NELL2: variants seen among roughly 807,000 people sequenced by gnomAD.
NELL2 encodes neural EGFL like 2, also known as protein kinase C-binding protein NELL2.
In NELL2, 41 loss-of-function variants were observed where a neutral mutation model predicts 109.6. The observed-to-expected ratio is 0.37, with a 90% confidence interval of 0.29 to 0.49. NELL2 has a LOEUF of 0.49. Among genes scored for constraint, NELL2 ranks in the 20% least tolerant of loss-of-function variants. The pLI, the probability that NELL2 is intolerant of heterozygous loss-of-function variation, is 0.98. For synonymous variants in NELL2, 355 were observed against 344.7 expected, an observed-to-expected ratio of 1.03 and a Z score of -0.33; for missense variants, 900 against 1,008.3, an observed-to-expected ratio of 0.89 and a Z score of 1.45.
chr12:44,843,213 T>TA lies in NELL2; in HGVS notation c.185-27078dup, dbSNP rs559615746. Among the ~76,000 whole-genome samples, 1,113 of 146,878 alleles carry TA rather than the reference T, an allele frequency of 7.6e-3. 8 individuals carry two copies. The highest frequency in any genetic ancestry group is 0.024 in the Middle Eastern group (7 of 288). ...AACAACCCTCCTAAAGCTCAACAAT[T>TA]AAAAAAAAAACTAATTAGAAAGTAG... On this transcript the variant is annotated intron_variant, in intron 2 of 19. Transcript: ENST00000429094.
At chr12:44,569,569 A>G (rs1161103152) in intron 15 of NELL2, among the ~76,000 whole-genome samples, 2 of 152,190 alleles carry the variant, frequency 1.3e-5, no homozygotes, top group African/African-American at 4.8e-5. Flanking sequence ...AAATAGTTTT[A>G]GTTTATAAAT....
intron 3 of NELL2, among the ~76,000 whole-genome samples, chr12:44,807,114 A>G (rs1416034000): frequency 6.6e-6 from 1 of 151,646 alleles, no homozygotes; most frequent in East Asian, 1.9e-4. Flanking sequence ...GAAGATATTA[A>G]GTGAAATAAC....
rs146554598 is a variant in NELL2, at chr12:44,740,155, G to C, written c.995-25414C>G. On this transcript the variant is annotated intron_variant, in intron 9 of 19. Coordinates refer to ENST00000429094, the MANE Select transcript of NELL2 (RefSeq NM_001145108.2). ...CTTTGGTAATGACTGTCTGAGTTATGGGCGTGTGACCCAATTCTGGCCAAT... is the reference window on the plus strand; with the variant it reads ...CTTTGGTAATGACTGTCTGAGTTATCGGCGTGTGACCCAATTCTGGCCAAT... Among the ~76,000 whole-genome samples, 599 of 152,212 alleles carry C rather than the reference G, an allele frequency of 3.9e-3. 1 individual carries two copies. Among genetic ancestry groups the C allele is most frequent in the African/African-American group, 0.014 (572 of 41,534 alleles).
intron 15 of NELL2, among the ~76,000 whole-genome samples, chr12:44,578,307 C>T (rs999637396): frequency 1.3e-5 from 2 of 151,524 alleles, no homozygotes; most frequent in African/African-American, 4.8e-5. Flanking sequence ...ACAAACAAAA[C>T]ATATACTTAA....
intron 13 of NELL2, among the ~76,000 whole-genome samples, chr12:44,660,484 T>C (rs1947701899): frequency 6.6e-6 from 1 of 152,190 alleles, no homozygotes; most frequent in Non-Finnish European, 1.5e-5. Context: ...GTTGCATCCC[T>C]GGCCTCTACC....
At chr12:44,714,838 C>T in intron 9 of NELL2, 97 bp from the exon 10 acceptor site, 2 of 645,896 alleles carry the variant, frequency 3.1e-6, no homozygotes, top group Non-Finnish European at 5.0e-6. Context: ...TGTTATACAC[C>T]TTTTTTCAAC....
intron 12 of NELL2, among the ~76,000 whole-genome samples, chr12:44,701,739 A>C (rs1415641714): frequency 2.6e-5 from 4 of 152,044 alleles, no homozygotes; most frequent in Non-Finnish European, 4.4e-5. Context: ...CAACATCTTT[A>C]CCTGGACTAC....
At chr12:44,891,463 C>G (rs987540175) in intron 1 of NELL2, among the ~76,000 whole-genome samples, 1 of 152,212 alleles carries the variant, frequency 6.6e-6, no homozygotes, top group Non-Finnish European at 1.5e-5. Context: ...CAGAAACTAC[C>G]ACTGCTGGAG....
chr12:44,876,094 C>T lies in NELL2; in HGVS notation c.-225G>A. 1 of 1,355,978 alleles carries T rather than the reference C, an allele frequency of 7.4e-7. No individual in the cohort carries two copies. Among genetic ancestry groups the T allele is most frequent in the Admixed American group, 3.0e-5 (1 of 32,906 alleles). The allele number at this position is 1,355,978 out of a possible 1,614,324, so 84.0% of individuals were successfully genotyped here. A position where few individuals can be genotyped will look rare whatever the true frequency, so the allele number is the denominator to read the frequency against. ...CCAATGCGCACATCATTCCCACACG[C>T]AGGGCCGAGGCGGCAGCGCGGCCCG... is the stretch of plus-strand genomic sequence containing the variant. On this transcript the variant is annotated 5_prime_UTR_variant, in exon 1 of 20. Transcript: ENST00000429094.
chr12:44,913,829 A>G (rs1467133813), exon 1 of NELL2: 1 of 808,730 alleles, frequency 1.2e-6, no homozygotes, highest in Non-Finnish European at 1.9e-6. Flanking sequence ...AAGTCTTCTT[A>G]TAGACATTTT....
chr12:44,684,032 T>C (rs990834897), intron 12 of NELL2, among the ~76,000 whole-genome samples: 2 of 152,242 alleles, frequency 1.3e-5, no homozygotes, highest in Non-Finnish European at 2.9e-5. Context: ...AGAATTCAGC[T>C]GTGAATCCAT....
intron 13 of NELL2, among the ~76,000 whole-genome samples, chr12:44,615,001 T>C (rs890705901): frequency 6.6e-6 from 1 of 152,078 alleles, no homozygotes; most frequent in African/African-American, 2.4e-5. Flanking sequence ...TTTGGAATAT[T>C]TGGGGGTTAA....
chr12:44,780,970 T>C lies in NELL2; in HGVS notation c.336-948A>G, dbSNP rs1941936784. 3.9e-5 allele frequency among the ~76,000 whole-genome samples: 6 copies of C among 152,104 alleles called. No individual in the cohort carries two copies. In the South Asian group the frequency reaches 8.3e-4, roughly 21 times the overall value. On this transcript the variant is annotated intron_variant, in intron 3 of 19. Transcript: ENST00000429094. ...TAAATAAGATTCAAGTCTCAGAACATGATACAAACATGTCCAGGTTTCAGT... is the reference window on the plus strand; with the variant it reads ...TAAATAAGATTCAAGTCTCAGAACACGATACAAACATGTCCAGGTTTCAGT...
At chr12:44,859,444 G>C (rs1428341955) in intron 2 of NELL2, among the ~76,000 whole-genome samples, 2 of 152,210 alleles carry the variant, frequency 1.3e-5, no homozygotes, top group Non-Finnish European at 2.9e-5. Flanking sequence ...AGAAGGCTGA[G>C]GTGGGAGAAT....
At chr12:44,715,398 A>C (rs1006155310) in intron 9 of NELL2, among the ~76,000 whole-genome samples, 1 of 151,486 alleles carries the variant, frequency 6.6e-6, no homozygotes, top group Non-Finnish European at 1.5e-5. Context: ...AAATGCATAG[A>C]GTATCAAATA....
In NELL2 at chr12:44,872,908, T is replaced by A. The variant is rs554117685; in HGVS notation, c.184+2317A>T. 1.8e-4 allele frequency among the ~76,000 whole-genome samples: 28 copies of A among 152,300 alleles called. 1 individual carries two copies. The highest frequency in any genetic ancestry group is 6.5e-4 in the African/African-American group (27 of 41,584). ...TTCAGTCTGTATATTTTTTTCTCTC[T>A]AAAGCCAAAGGAAATCTCAATGAAG... On this transcript the variant is annotated intron_variant, in intron 2 of 19. Transcript: ENST00000429094.
At chr12:44,733,493 GGTA>G (rs1939478040) in intron 9 of NELL2, among the ~76,000 whole-genome samples, 1 of 151,778 alleles carries the variant, frequency 6.6e-6, no homozygotes, top group Non-Finnish European at 1.5e-5. Context: ...ATTAACATGA[GGTA>G]TGCAAAGGGG....
intron 19 of NELL2, among the ~76,000 whole-genome samples, chr12:44,515,738 G>A (rs1207252217): frequency 2.0e-5 from 3 of 151,810 alleles, no homozygotes; most frequent in Admixed American, 6.6e-5. Flanking sequence ...TTTATATAGT[G>A]ACACAGTAAA....
At position 44,849,306 on chromosome 12, in the gene NELL2, T is replaced by A. The variant is rs193069556; in HGVS notation, c.184+25919A>T. ...AATAAACATCTAACAAAGGGCATAT[T>A]TTCATAATAAATGAAAAAATCCTAC... On this transcript the variant is annotated intron_variant, in intron 2 of 19. Transcript: ENST00000429094. Among the ~76,000 whole-genome samples the A allele has an allele frequency of 1.5e-3, 233 of 152,220 alleles. 1 individual carries two copies. The highest frequency in any genetic ancestry group is 5.5e-3 in the African/African-American group (228 of 41,540).
Sources: allele counts gnomAD v4.1 joint callset (sites outside exome capture counted in the v4.1 genomes callset), GRCh38; gene constraint gnomAD v4.1.1; transcripts MANE v1.5; gene names NCBI Gene and HGNC (gene_info 2026-07-23, HGNC 2026-07-21).